ACTR3B: variants seen among roughly 807,000 people sequenced by gnomAD.
ACTR3B encodes actin-related protein 3B.
ACTR3B carries 8 observed loss-of-function variants against 59.0 expected under a neutral mutation model. The observed-to-expected ratio is 0.14, with a 90% CI of 0.08 to 0.24. The LOEUF (loss-of-function observed/expected upper bound fraction) is 0.24, where lower values mean the gene tolerates loss of function less well. Among genes scored for constraint, ACTR3B ranks in the 10% least tolerant of loss-of-function variants. The pLI, the probability that ACTR3B is intolerant of heterozygous loss-of-function variation, is 1.00. For synonymous variants in ACTR3B, 148 were observed against 197.9 expected, an observed-to-expected ratio of 0.75 and a Z score of 2.12; for missense variants, 245 against 552.3, an observed-to-expected ratio of 0.44 and a Z score of 5.58.
chr7:152,762,417 T>C (rs2098092413), intron 1 of ACTR3B, among the ~76,000 whole-genome samples: 1 of 152,250 alleles, frequency 6.6e-6, no homozygotes, highest in South Asian at 2.1e-4. Context: ...AACTACTGTA[T>C]ACTCTTCTTC....
intron 4 of ACTR3B, chr7:152,813,587 C>T (rs1795449391): frequency 6.6e-6 from 1 of 152,128 alleles, no homozygotes; most frequent in African/African-American, 2.4e-5. Context: ...GGTTGGAGTG[C>T]AGTGGCACAA....
At chr7:152,788,122 A>G (rs1313329429) in intron 2 of ACTR3B, among the ~76,000 whole-genome samples, 2 of 143,856 alleles carry the variant, frequency 1.4e-5, no homozygotes, top group Non-Finnish European at 3.0e-5. Context: ...ACGTCCAGCT[A>G]ATTTTTGTAT....
chr7:152,760,048 G>C, intron 1 of ACTR3B, 122 bp downstream of exon 1: 1 of 870,646 alleles, frequency 1.1e-6, no homozygotes, highest in Non-Finnish European at 1.5e-6. Flanking sequence ...CGATCACCTG[G>C]GCAGGTGGGG....
intron 9 of ACTR3B, among the ~76,000 whole-genome samples, chr7:152,836,598 A>G (rs1797477375): frequency 7.1e-6 from 1 of 140,556 alleles, no homozygotes; most frequent in Non-Finnish European, 1.5e-5. Flanking sequence ...AAAAAAAAAA[A>G]AGGTTGGTCT....
At chr7:152,767,277 CT>C (rs2098113433) in intron 1 of ACTR3B, among the ~76,000 whole-genome samples, 1 of 152,100 alleles carries the variant, frequency 6.6e-6, no homozygotes. Context: ...GAGATGCTGC[CT>C]TTATCATATG....
intron 1 of ACTR3B, among the ~76,000 whole-genome samples, chr7:152,763,215 C>T (rs2098095808): frequency 7.0e-6 from 1 of 142,976 alleles, no homozygotes; most frequent in East Asian, 2.4e-4. Context: ...GCTTTGGAGG[C>T]TGCTCAGGAG....
At chr7:152,784,932 G>A (rs2098166637) in intron 2 of ACTR3B, among the ~76,000 whole-genome samples, 2 of 152,130 alleles carry the variant, frequency 1.3e-5, no homozygotes, top group South Asian at 2.1e-4. Flanking sequence ...GAATTCTGTG[G>A]GGACATGGTT....
intron 9 of ACTR3B, among the ~76,000 whole-genome samples, chr7:152,847,819 T>G (rs1321599820): frequency 6.6e-6 from 1 of 152,200 alleles, no homozygotes; most frequent in Non-Finnish European, 1.5e-5. Flanking sequence ...TTTCTGACAC[T>G]GAGACCTGAG....
In ACTR3B at chr7:152,788,097, G is replaced by T. The variant is rs182099943; in HGVS notation, c.100+4855G>T. Among the ~76,000 whole-genome samples, 3 of 112,912 alleles carry T rather than the reference G, an allele frequency of 2.7e-5. No individual in the cohort carries two copies. In the East Asian group the frequency reaches 7.5e-4, roughly 28 times the overall value. 74.1% of individuals were successfully genotyped at this position (112,912 alleles called of 152,430 possible). ...CCACCACCACGTCCAGCTAATTTTT[G>T]TATTTTTAGTAGAGACGTCCAGCTA... On this transcript the variant is annotated intron_variant, in intron 2 of 11. Coordinates refer to ENST00000256001, the MANE Select transcript of ACTR3B (RefSeq NM_020445.6).
At chr7:152,835,259 G>A (rs552244819) in intron 9 of ACTR3B, among the ~76,000 whole-genome samples, 46 of 152,308 alleles carry the variant, frequency 3.0e-4, no homozygotes, top group African/African-American at 1.0e-3. Flanking sequence ...TGGGCCAGGC[G>A]TAAGCGTCTC....
At chr7:152,780,610 C>G (rs2098149500) in intron 1 of ACTR3B, among the ~76,000 whole-genome samples, 1 of 151,744 alleles carries the variant, frequency 6.6e-6, no homozygotes. Context: ...TGTAGTCTGA[C>G]CTTTTCCTGC....
At chr7:152,760,146 G>C (rs1232433859) in intron 1 of ACTR3B, among the ~76,000 whole-genome samples, 1 of 152,176 alleles carries the variant, frequency 6.6e-6, no homozygotes. Context: ...GGAAAAGCAC[G>C]GAGGGTAGGG....
At chr7:152,766,380 A>C (rs2098110629) in intron 1 of ACTR3B, among the ~76,000 whole-genome samples, 1 of 152,212 alleles carries the variant, frequency 6.6e-6, no homozygotes, top group African/African-American at 2.4e-5. Flanking sequence ...TGTGCATAGC[A>C]CGTGCCGGAA....
intron 1 of ACTR3B, among the ~76,000 whole-genome samples, chr7:152,763,313 CAAAAAAAAAA>C (rs925259822): frequency 9.8e-5 from 2 of 20,492 alleles, no homozygotes; most frequent in Admixed American, 6.3e-4. Context: ...GACTCCATCT[CAAAAAAAAAA>C]AAAAAAAAAA....
At position 152,807,307 on chromosome 7, in the gene ACTR3B, C is replaced by A. The variant is rs553821446; in HGVS notation, c.336+5576C>A. 1.6e-4 allele frequency among the ~76,000 whole-genome samples: 25 copies of A among 151,968 alleles called. No homozygotes were observed. In the South Asian group the frequency reaches 4.8e-3, roughly 29 times the overall value. On this transcript the variant is annotated intron_variant, in intron 4 of 11. Coordinates refer to ENST00000256001, the MANE Select transcript of ACTR3B (RefSeq NM_020445.6). Reference sequence around the variant, plus strand: ...GACATTTAGTATATTTTCATTTAATCTTTTTACCCATTTTTAAAATGATTT... The same window carrying A: ...GACATTTAGTATATTTTCATTTAATATTTTTACCCATTTTTAAAATGATTT...
intron 1 of ACTR3B, among the ~76,000 whole-genome samples, chr7:152,767,187 G>A (rs1383510537): frequency 6.6e-6 from 1 of 151,682 alleles, no homozygotes; most frequent in Non-Finnish European, 1.5e-5. Flanking sequence ...AATGGACCCA[G>A]TTGGATCCAC....
intron 2 of ACTR3B, among the ~76,000 whole-genome samples, chr7:152,787,518 A>G (rs1341029361): frequency 6.6e-6 from 1 of 151,738 alleles, no homozygotes; most frequent in Admixed American, 6.6e-5. Context: ...TTCTACTCCA[A>G]AGTCATAAAG....
At chr7:152,819,209 G>A (rs1423222854) in intron 6 of ACTR3B, among the ~76,000 whole-genome samples, 2 of 152,198 alleles carry the variant, frequency 1.3e-5, no homozygotes, top group Non-Finnish European at 2.9e-5. Context: ...GCTTCTAGAA[G>A]TTACGTATAT....
rs372685457 is a variant in ACTR3B at position 152,792,710 on chromosome 7, T to C, written c.101-7821T>C. On this transcript the variant is annotated intron_variant, in intron 2 of 11. Transcript: ENST00000256001. Reference sequence around the variant, plus strand: ...TTGCAGTGAGCTGAGATTGCGCCACTGCACTCCAGCCTGGGTGACAGAGCG... The same window carrying C: ...TTGCAGTGAGCTGAGATTGCGCCACCGCACTCCAGCCTGGGTGACAGAGCG... Among the ~76,000 whole-genome samples, 85 of 152,178 alleles carry C rather than the reference T, an allele frequency of 5.6e-4. 1 individual carries two copies. The East Asian group carries it at 0.016, about 29-fold the overall frequency.
Sources: gnomAD v4.1 joint callset for allele counts (sites outside exome capture counted in the v4.1 genomes callset) on GRCh38, gnomAD v4.1.1 for gene constraint, MANE v1.5 for transcripts, NCBI Gene and HGNC (gene_info 2026-07-23, HGNC 2026-07-21) for gene names.